The following ACOT7 variants were observed in gnomAD, a reference collection of about 807,000 sequenced individuals.
The protein encoded by ACOT7 is cytosolic acyl coenzyme A thioester hydrolase.
In ACOT7, 12 loss-of-function variants were observed where a neutral mutation model predicts 40.2. The observed-to-expected ratio is 0.30, with a 90% CI of 0.19 to 0.48. The LOEUF (loss-of-function observed/expected upper bound fraction) is 0.48, where lower values mean the gene tolerates loss of function less well. Ranked by LOEUF, ACOT7 falls within the 20% of genes least tolerant of loss-of-function variation. The probability of loss-of-function intolerance (pLI) is 0.99; values close to 1 mark genes in which losing one functional copy is unlikely to be tolerated. For synonymous variants in ACOT7, 228 were observed against 219.5 expected (o/e 1.04, Z -0.34); for missense variants, 395 against 530.8 (o/e 0.74, Z 2.51).
At chr1:6,347,708 A>C (rs1436400818) in intron 2 of ACOT7, among the ~76,000 whole-genome samples, 1 of 151,906 alleles carries the variant, frequency 6.6e-6, no homozygotes, top group Non-Finnish European at 1.5e-5. Flanking sequence ...CAGACATTGC[A>C]GTGAGCCGGG....
chr1:6,316,680 C>T (rs1293023603), intron 6 of ACOT7, among the ~76,000 whole-genome samples: 3 of 152,104 alleles, frequency 2.0e-5, no homozygotes, highest in Non-Finnish European at 2.9e-5. Flanking sequence ...TGTGGTGGCA[C>T]GTGCCTGTAA....
Position 6,294,637 on chromosome 1 carries a change from G to C in ACOT7, c.829+227C>G, listed in dbSNP as rs1352927403. ...AGGGTGAGTTTAGGCAGGTCTTTAG[G>C]AGGATAATGGCCCCGTCATATCTGA... On this transcript the variant is annotated intron_variant, in intron 7 of 8. Transcript: ENST00000361521. This position sits in a 1 kb window ranked among gnomAD's most constrained non-coding sequence, Gnocchi z 4.6. Among the ~76,000 whole-genome samples, 1 of 152,200 alleles carries C rather than the reference G, an allele frequency of 6.6e-6. No individual in the cohort carries two copies. Among genetic ancestry groups the C allele is most frequent in the Non-Finnish European group, 1.5e-5 (1 of 68,028 alleles).
At chr1:6,365,478 A>G (rs1641984179) in intron 1 of ACOT7, among the ~76,000 whole-genome samples, 1 of 152,176 alleles carries the variant, frequency 6.6e-6, no homozygotes, top group Non-Finnish European at 1.5e-5. Flanking sequence ...ATTTAAAAAC[A>G]CTTTATTGCA....
At chr1:6,269,226 G>A (rs1638948587) in intron 8 of ACOT7, among the ~76,000 whole-genome samples, 1 of 152,204 alleles carries the variant, frequency 6.6e-6, no homozygotes, top group African/African-American at 2.4e-5. Flanking sequence ...TGCCCTCCAG[G>A]TCGTCCTATG....
intron 4 of ACOT7, among the ~76,000 whole-genome samples, chr1:6,329,620 C>T (rs1431187868): frequency 6.6e-6 from 1 of 152,012 alleles, no homozygotes; most frequent in Non-Finnish European, 1.5e-5. Flanking sequence ...GAGGAGAAGC[C>T]CAGCCTCCTC....
At chr1:6,349,937 A>G in intron 1 of ACOT7, 71 bp from the exon 2 acceptor site, 1 of 1,470,516 alleles carries the variant, frequency 6.8e-7, no homozygotes, top group Non-Finnish European at 9.5e-7. Context: ...CAATCCAAGG[A>G]GGGGAGAAGG....
chr1:6,325,771 G>C (rs1225728721), intron 5 of ACOT7, among the ~76,000 whole-genome samples: 2 of 152,176 alleles, frequency 1.3e-5, no homozygotes, highest in Admixed American at 1.3e-4. Context: ...GCTCTCATCT[G>C]TGCGCCCACT....
At chr1:6,347,401 A>G (rs1641460436) in intron 2 of ACOT7, among the ~76,000 whole-genome samples, 1 of 152,190 alleles carries the variant, frequency 6.6e-6, no homozygotes, top group Non-Finnish European at 1.5e-5. Flanking sequence ...CTGCCTCCCC[A>G]GGTGGCCTCA....
intron 6 of ACOT7, among the ~76,000 whole-genome samples, chr1:6,308,118 G>C (rs1474427354): frequency 1.3e-5 from 2 of 149,714 alleles, no homozygotes; most frequent in African/African-American, 5.0e-5. Context: ...AACCACAACA[G>C]GCAGAAGGAA....
At chr1:6,366,633 T>C (rs1475140539) in intron 1 of ACOT7, among the ~76,000 whole-genome samples, 2 of 151,000 alleles carry the variant, frequency 1.3e-5, no homozygotes, top group Non-Finnish European at 2.9e-5. Context: ...CAATGTTTGA[T>C]AGCATTTTAC....
At chr1:6,348,696 G>A (rs1464413142) in intron 2 of ACOT7, among the ~76,000 whole-genome samples, 1 of 152,230 alleles carries the variant, frequency 6.6e-6, no homozygotes, top group Admixed American at 6.5e-5. Context: ...TGGACTTCCA[G>A]CCTCCAGGAC....
At chr1:6,356,666 C>G (rs961560554) in intron 1 of ACOT7, among the ~76,000 whole-genome samples, 2 of 152,206 alleles carry the variant, frequency 1.3e-5, no homozygotes, top group Non-Finnish European at 2.9e-5. Context: ...CACCTGTAAT[C>G]CCAGCACTTT....
At chr1:6,281,343 G>A in intron 7 of ACOT7, 57 bp from the exon 8 acceptor site, 5 of 1,527,958 alleles carry the variant, frequency 3.3e-6, no homozygotes, top group South Asian at 2.3e-5. Context: ...CTGGGCGGGG[G>A]ACACTGGCGT....
chr1:6,333,444 G>T, intron 4 of ACOT7, 33 bp downstream of exon 4: 1 of 1,609,734 alleles, frequency 6.2e-7, no homozygotes, highest in Non-Finnish European at 8.5e-7. Context: ...TCTGCCATCT[G>T]CCCCCAAGAG....
intron 1 of ACOT7, among the ~76,000 whole-genome samples, chr1:6,362,950 G>T (rs1641922570): frequency 6.6e-6 from 1 of 152,144 alleles, no homozygotes. Flanking sequence ...CCATCCAGGT[G>T]CCGAGGCAAG....
intron 5 of ACOT7, among the ~76,000 whole-genome samples, chr1:6,322,909 T>C (rs888837210): frequency 6.6e-6 from 1 of 152,034 alleles, no homozygotes; most frequent in African/African-American, 2.4e-5. Context: ...GGCAGGTGGA[T>C]CACCTGAGGT....
chr1:6,388,141 C>T (rs1642470899), intron 1 of ACOT7, among the ~76,000 whole-genome samples: 1 of 151,460 alleles, frequency 6.6e-6, no homozygotes, highest in South Asian at 2.1e-4. Context: ...CCAAGTCTCA[C>T]TCTGTCGCCC....
intron 1 of ACOT7, among the ~76,000 whole-genome samples, chr1:6,365,634 A>G (rs947098555): frequency 4.0e-5 from 6 of 151,346 alleles, no homozygotes; most frequent in Admixed American, 1.3e-4. Context: ...CCGGCATGGT[A>G]GTGGGCGCCT....
intron 6 of ACOT7, among the ~76,000 whole-genome samples, chr1:6,303,018 C>CAG (rs1334490825): frequency 6.6e-6 from 1 of 150,532 alleles, no homozygotes; most frequent in African/African-American, 2.5e-5. Context: ...GGGCCCCTGC[C>CAG]TTGCCAGAGG....
Sources: allele counts gnomAD v4.1 joint callset (sites outside exome capture counted in the v4.1 genomes callset), GRCh38; gene constraint gnomAD v4.1.1; non-coding constraint Gnocchi (gnomAD v3.1); transcripts MANE v1.5; gene names NCBI Gene and HGNC (gene_info 2026-07-23, HGNC 2026-07-21).